The following TOX variants were observed in gnomAD, a reference collection of about 807,000 sequenced individuals.
TOX encodes thymocyte selection-associated high mobility group box protein TOX.
In TOX, 11 loss-of-function variants were observed where a neutral mutation model predicts 53.7. The ratio of observed to expected loss-of-function variants is 0.20; its 90% confidence interval spans 0.13 to 0.34. The LOEUF is 0.34. Ranked by LOEUF, TOX falls within the 10% of genes least tolerant of loss-of-function variation. The pLI is 1.00. For synonymous variants in TOX, 225 were observed against 245.3 expected, an observed-to-expected ratio of 0.92 and a Z score of 0.77; for missense variants, 570 against 664.6, an observed-to-expected ratio of 0.86 and a Z score of 1.56.
chr8:58,895,456 A>G (rs1293171374), intron 3 of TOX, among the ~76,000 whole-genome samples: 1 of 152,254 alleles, frequency 6.6e-6, no homozygotes, highest in Non-Finnish European at 1.5e-5. Context: ...AAGGAATACA[A>G]AAATCAAACA....
chr8:58,923,898 C>G (rs921548984), intron 3 of TOX, among the ~76,000 whole-genome samples: 8 of 152,120 alleles, frequency 5.3e-5, no homozygotes, highest in African/African-American at 1.9e-4. Flanking sequence ...AGAGTAGACA[C>G]CCAACGGCCT....
intron 1 of TOX, among the ~76,000 whole-genome samples, chr8:59,087,861 A>C (rs1804540837): frequency 1.3e-5 from 2 of 152,182 alleles, no homozygotes; most frequent in Admixed American, 1.3e-4. Flanking sequence ...GTCACAACCG[A>C]TTATGTTTCA....
At chr8:59,081,387 T>C (rs1353778111) in intron 1 of TOX, among the ~76,000 whole-genome samples, 1 of 152,148 alleles carries the variant, frequency 6.6e-6, no homozygotes, top group Non-Finnish European at 1.5e-5. Flanking sequence ...TTCAAGTTAA[T>C]TCGGGATTGC....
chr8:58,830,656 TCTTC>T (rs975050372), intron 5 of TOX, among the ~76,000 whole-genome samples: 4 of 152,186 alleles, frequency 2.6e-5, no homozygotes, highest in African/African-American at 9.7e-5. Context: ...TTTAATTCCT[TCTTC>T]CTTCCTTCTT....
intron 1 of TOX, among the ~76,000 whole-genome samples, chr8:59,070,969 C>T (rs116388160): frequency 0.014 from 2,180 of 152,192 alleles, 52 homozygotes; most frequent in African/African-American, 0.049. Context: ...TAGCAATATC[C>T]TTCAAAGTGA....
At chr8:58,889,045 C>T (rs1158502133) in intron 3 of TOX, among the ~76,000 whole-genome samples, 1 of 151,806 alleles carries the variant, frequency 6.6e-6, no homozygotes, top group Non-Finnish European at 1.5e-5. Context: ...ATTCCCATAT[C>T]TAGAGAATAA....
intron 2 of TOX, among the ~76,000 whole-genome samples, chr8:58,941,865 C>T (rs887939839): frequency 2.0e-5 from 3 of 151,962 alleles, no homozygotes; most frequent in Admixed American, 2.0e-4. Context: ...CCAGCCTGGT[C>T]AATATGGTGA....
intron 3 of TOX, among the ~76,000 whole-genome samples, chr8:58,910,755 A>G (rs898106380): frequency 1.3e-5 from 2 of 152,232 alleles, no homozygotes; most frequent in Non-Finnish European, 2.9e-5. Context: ...ATAGGCGCAA[A>G]GAAATAAGTC....
chr8:59,061,765 A>T (rs1310737228), intron 1 of TOX, among the ~76,000 whole-genome samples: 1 of 151,994 alleles, frequency 6.6e-6, no homozygotes, highest in Non-Finnish European at 1.5e-5. Context: ...CTGGAATGAC[A>T]GCCTCTTGGA....
At position 59,105,624 on chromosome 8, in the gene TOX, G is replaced by C. The variant is rs1175390151; in HGVS notation, c.102+13262C>G. On this transcript the variant is annotated intron_variant, in intron 1 of 8. Coordinates refer to ENST00000361421, the MANE Select transcript of TOX (RefSeq NM_014729.3). ...AGTTGAGATAATATATTAGAGCCTA[G>C]AACAAAGTTATAAGTCCCTATGGGA... Among the ~76,000 whole-genome samples, 8 of 152,020 alleles carry C rather than the reference G, an allele frequency of 5.3e-5. No homozygotes were observed. The East Asian group carries it at 1.5e-3, about 29-fold the overall frequency.
intron 4 of TOX, among the ~76,000 whole-genome samples, chr8:58,843,511 T>C (rs963782863): frequency 9.2e-5 from 14 of 152,174 alleles, no homozygotes; most frequent in Non-Finnish European, 1.0e-4. Context: ...TTGGAGGGAA[T>C]TGTTTATTAT....
chr8:58,908,638 T>C (rs1811859581), intron 3 of TOX, among the ~76,000 whole-genome samples: 1 of 152,226 alleles, frequency 6.6e-6, no homozygotes, highest in Non-Finnish European at 1.5e-5. Context: ...ATAACATGTT[T>C]CAATACTTTT....
At chr8:59,000,261 A>C (rs1813665897) in intron 1 of TOX, among the ~76,000 whole-genome samples, 2 of 152,224 alleles carry the variant, frequency 1.3e-5, no homozygotes, top group African/African-American at 4.8e-5. Context: ...ATTGATTGGC[A>C]GCAAGGGAGA....
intron 1 of TOX, among the ~76,000 whole-genome samples, chr8:58,985,273 A>C (rs899607216): frequency 2.6e-5 from 4 of 152,154 alleles, no homozygotes; most frequent in Non-Finnish European, 5.9e-5. Context: ...GATAAACAAA[A>C]GGTAGCATAT....
At chr8:59,047,200 ATTGTTTTTTTTTTTTT>A (rs371875736) in intron 1 of TOX, among the ~76,000 whole-genome samples, 5,190 of 115,256 alleles carry the variant, frequency 0.045, 129 homozygotes, top group South Asian at 0.11. Context: ...TCCACCAAGA[ATTGTTTTTTTTTTTTT>A]TTTTTTTTTT....
chr8:58,954,415 A>G (rs1383461866), intron 2 of TOX, among the ~76,000 whole-genome samples: 2 of 152,230 alleles, frequency 1.3e-5, no homozygotes, highest in Non-Finnish European at 2.9e-5. Flanking sequence ...CAAACAATGC[A>G]GCATACCTCT....
chr8:59,024,710 C>T (rs746154797), intron 1 of TOX, among the ~76,000 whole-genome samples: 23 of 151,736 alleles, frequency 1.5e-4, no homozygotes, highest in Non-Finnish European at 3.2e-4. Context: ...CTGGCTGCTA[C>T]TTTTTAAAAA....
At chr8:58,982,965 G>T (rs1237457224) in intron 1 of TOX, among the ~76,000 whole-genome samples, 1 of 152,024 alleles carries the variant, frequency 6.6e-6, no homozygotes, top group Non-Finnish European at 1.5e-5. Context: ...TATTCATATG[G>T]TCCCTCTGGC....
In TOX at chr8:58,829,960, C is replaced by T. The variant is rs1246833315; in HGVS notation, c.925-3058G>A. Reference sequence around the variant, plus strand: ...CAGCACGGCATTTGGCAATGAACAACCACTGCCATGAGCAAGTGCACAGAC... The same window carrying T: ...CAGCACGGCATTTGGCAATGAACAATCACTGCCATGAGCAAGTGCACAGAC... On this transcript the variant is annotated intron_variant, in intron 5 of 8. Coordinates refer to ENST00000361421, the MANE Select transcript of TOX (RefSeq NM_014729.3). 2.6e-5 allele frequency among the ~76,000 whole-genome samples: 4 copies of T among 152,290 alleles called. 1 individual carries two copies. Among genetic ancestry groups the T allele is most frequent in the Non-Finnish European group, 1.5e-5 (1 of 68,018 alleles).
Sources: gnomAD v4.1 joint callset for allele counts (sites outside exome capture counted in the v4.1 genomes callset) on GRCh38, gnomAD v4.1.1 for gene constraint, MANE v1.5 for transcripts, NCBI Gene and HGNC (gene_info 2026-07-23, HGNC 2026-07-21) for gene names.